NXPH1: variants seen among roughly 807,000 people sequenced by gnomAD.
NXPH1 encodes neurexophilin 1, also known as neurexophilin-1.
In NXPH1, 5 loss-of-function variants were observed where a neutral mutation model predicts 23.7. That is an observed-to-expected ratio of 0.21 (90% CI 0.11 to 0.44). NXPH1 has a LOEUF of 0.44. Among genes scored for constraint, NXPH1 ranks in the 20% least tolerant of loss-of-function variants. The pLI, the probability that NXPH1 is intolerant of heterozygous loss-of-function variation, is 0.99. For missense variants in NXPH1, 324 were observed against 321.6 expected (o/e 1.01, Z -0.06); for synonymous variants, 144 against 122.2 (o/e 1.18, Z -1.18).
chr7:8,538,836 C>G (rs748050558), intron 2 of NXPH1, among the ~76,000 whole-genome samples: 1 of 151,850 alleles, frequency 6.6e-6, no homozygotes, highest in Non-Finnish European at 1.5e-5. Context: ...AAGTCCCAGA[C>G]AGCAAGCTGT....
Position 8,751,973 on chromosome 7 carries a change from A to T in NXPH1, c.*204A>T, listed in dbSNP as rs982865547. The T allele has an allele frequency of 3.6e-6, 2 of 551,724 alleles. No homozygotes were observed. Among genetic ancestry groups the T allele is most frequent in the Admixed American group, 6.3e-5 (2 of 31,550 alleles). The allele number at this position is 551,724 out of a possible 1,614,324, so 34.2% of individuals were successfully genotyped here. A position where few individuals can be genotyped will look rare whatever the true frequency, so the allele number is the denominator to read the frequency against. On this transcript the variant is annotated 3_prime_UTR_variant, in exon 3 of 3. Transcript: ENST00000405863. This position sits in a 1 kb window ranked among gnomAD's most constrained non-coding sequence, Gnocchi z 4.5. ...TCATCCCTCAGTATAATTGTAAATCATCACAGATTTTGAATTCACACCTGA... is the reference window on the plus strand; with the variant it reads ...TCATCCCTCAGTATAATTGTAAATCTTCACAGATTTTGAATTCACACCTGA...
chr7:8,607,188 A>G (rs1208288200), intron 2 of NXPH1, among the ~76,000 whole-genome samples: 2 of 152,148 alleles, frequency 1.3e-5, no homozygotes, highest in Non-Finnish European at 2.9e-5. Flanking sequence ...AACATTTTAA[A>G]TTTAGTAGCA....
chr7:8,477,189 C>T (rs79258466), intron 2 of NXPH1, among the ~76,000 whole-genome samples: 9,641 of 152,120 alleles, frequency 0.063, 986 homozygotes, highest in African/African-American at 0.22. Flanking sequence ...ACTTCCCTGG[C>T]GGATGACCTG....
At chr7:8,653,426 G>A (rs1021743230) in intron 2 of NXPH1, among the ~76,000 whole-genome samples, 1 of 152,068 alleles carries the variant, frequency 6.6e-6, no homozygotes, top group Non-Finnish European at 1.5e-5. Flanking sequence ...TTTCTATAGC[G>A]CTCGTAAGCT....
intron 2 of NXPH1, among the ~76,000 whole-genome samples, chr7:8,473,849 C>G (rs908204761): frequency 3.3e-5 from 5 of 151,994 alleles, no homozygotes; most frequent in African/African-American, 1.2e-4. Context: ...GAATCTACCC[C>G]CAAAGAACCG....
intron 2 of NXPH1, among the ~76,000 whole-genome samples, chr7:8,516,200 C>T (rs1020159516): frequency 6.6e-6 from 1 of 152,222 alleles, no homozygotes; most frequent in Middle Eastern, 3.4e-3. Flanking sequence ...ATTTTTACCT[C>T]TTTAGCCATT....
At chr7:8,562,899 A>G (rs933470797) in intron 2 of NXPH1, among the ~76,000 whole-genome samples, 2 of 150,670 alleles carry the variant, frequency 1.3e-5, no homozygotes, top group Non-Finnish European at 3.0e-5. Flanking sequence ...TTCCTAATTT[A>G]AAAAATGACA....
chr7:8,478,526 G>T (rs111903877), intron 2 of NXPH1, among the ~76,000 whole-genome samples: 1 of 151,926 alleles, frequency 6.6e-6, no homozygotes, highest in Non-Finnish European at 1.5e-5. Context: ...TGTAAAGAAA[G>T]ATCCAACATA....
chr7:8,671,648 A>T (rs559109620), intron 2 of NXPH1, among the ~76,000 whole-genome samples: 2 of 152,270 alleles, frequency 1.3e-5, no homozygotes, highest in East Asian at 3.9e-4. Flanking sequence ...AGTAGTTTTT[A>T]TGTTTTAGAT....
intron 2 of NXPH1, among the ~76,000 whole-genome samples, chr7:8,650,916 A>G (rs1312061133): frequency 6.6e-6 from 1 of 152,228 alleles, no homozygotes; most frequent in African/African-American, 2.4e-5. Flanking sequence ...TTGAAAATAT[A>G]CCATTGAAGG....
intron 2 of NXPH1, among the ~76,000 whole-genome samples, chr7:8,604,421 G>A (rs561022638): frequency 3.9e-5 from 6 of 152,168 alleles, no homozygotes; most frequent in South Asian, 4.1e-4. Context: ...CACTAAAATG[G>A]TTTCGCCTGC....
chr7:8,748,993 T>C (rs187021934), intron 2 of NXPH1, among the ~76,000 whole-genome samples: 1 of 152,266 alleles, frequency 6.6e-6, no homozygotes, highest in East Asian at 1.9e-4. Flanking sequence ...TCTAAGAGCT[T>C]TTGTTCTAGT....
At chr7:8,618,211 C>G (rs1181229883) in intron 2 of NXPH1, among the ~76,000 whole-genome samples, 8 of 152,050 alleles carry the variant, frequency 5.3e-5, no homozygotes, top group Non-Finnish European at 1.2e-4. Context: ...ACTTTATGAT[C>G]TGGGCATTTT....
At chr7:8,509,096 A>G (rs1005012264) in intron 2 of NXPH1, among the ~76,000 whole-genome samples, 1 of 152,102 alleles carries the variant, frequency 6.6e-6, no homozygotes, top group African/African-American at 2.4e-5. Context: ...CACTTGGTGT[A>G]ATTTTGATAT....
intron 2 of NXPH1, among the ~76,000 whole-genome samples, chr7:8,607,578 T>C (rs1050548326): frequency 1.3e-5 from 2 of 152,152 alleles, no homozygotes; most frequent in Non-Finnish European, 2.9e-5. Context: ...CTCTGGCAAA[T>C]AACTTTGACT....
chr7:8,513,789 G>A (rs780009153), intron 2 of NXPH1, among the ~76,000 whole-genome samples: 20 of 152,058 alleles, frequency 1.3e-4, no homozygotes, highest in East Asian at 1.9e-4. Context: ...ACTTGCCTGC[G>A]TCTTGCTCCA....
chr7:8,571,015 GTC>G (rs1818633708), intron 2 of NXPH1, among the ~76,000 whole-genome samples: 4 of 131,394 alleles, frequency 3.0e-5, no homozygotes, highest in Non-Finnish European at 6.4e-5. Context: ...CTATCTGTCT[GTC>G]TATCTAATCT....
At chr7:8,681,774 C>T (rs935235533) in intron 2 of NXPH1, among the ~76,000 whole-genome samples, 1 of 152,184 alleles carries the variant, frequency 6.6e-6, no homozygotes, top group Non-Finnish European at 1.5e-5. Flanking sequence ...AGGCCTGTGT[C>T]AGGCTGCATC....
At chr7:8,649,842 G>T (rs567809484) in intron 2 of NXPH1, among the ~76,000 whole-genome samples, 1 of 152,002 alleles carries the variant, frequency 6.6e-6, no homozygotes, top group Non-Finnish European at 1.5e-5. Context: ...GTATGTTCAG[G>T]GGTTATCTAA....
Sources: allele counts gnomAD v4.1 joint callset (sites outside exome capture counted in the v4.1 genomes callset), GRCh38; gene constraint gnomAD v4.1.1; non-coding constraint Gnocchi (gnomAD v3.1); transcripts MANE v1.5; gene names NCBI Gene and HGNC (gene_info 2026-07-23, HGNC 2026-07-21).